The following ZNF331 variants were observed in gnomAD, a reference collection of about 807,000 sequenced individuals.
The protein encoded by ZNF331 is C2H2-like zinc finger protein rearranged in thyroid adenomas.
ZNF331 carries 2 observed loss-of-function variants against 7.0 expected under a neutral mutation model. That is an observed-to-expected ratio of 0.29 (90% confidence interval 0.12 to 0.90). The LOEUF is 0.90. ZNF331 is among the 40% of genes least tolerant of loss of function. The probability of loss-of-function intolerance (pLI) is 0.58; values close to 1 mark genes in which losing one functional copy is unlikely to be tolerated. For missense variants in ZNF331, 432 were observed against 587.7 expected (o/e 0.74, Z 2.74); for synonymous variants, 196 against 205.4 (o/e 0.95, Z 0.39).
upstream of ZNF331, among the ~76,000 whole-genome samples, chr19:53,516,748 T>C (rs2086913734): frequency 2.6e-5 from 4 of 152,320 alleles, no homozygotes; most frequent in South Asian, 6.2e-4. Context: ...CCTTACAACT[T>C]GTGAAAGAGA....
At position 53,577,332 on chromosome 19, in the gene ZNF331, C is replaced by T. The variant is rs1255504027; in HGVS notation, c.772C>T (p.Leu258Phe). ...GAAGACCTTTAGCCGTGTGTATAAACTTATTCAGCACAAGAGAATTCATAG... is the reference window on the plus strand; with the variant it reads ...GAAGACCTTTAGCCGTGTGTATAAATTTATTCAGCACAAGAGAATTCATAG... ...CGKTFSRVYK[L>F]IQHKRIHSGE... Residue 258 changes from leucine (L) to phenylalanine (F), a missense_variant, in exon 6 of 6, where the codon CTT becomes TTT. By Grantham distance (22) the Leu-to-Phe change is conservative (BLOSUM62 0). Transcript: ENST00000449416. The T allele has an allele frequency of 6.2e-7, 1 of 1,613,918 alleles. No individual in the cohort carries two copies. The highest frequency in any genetic ancestry group is 8.5e-7 in the Non-Finnish European group (1 of 1,180,026).
In ZNF331 at chr19:53,579,744, A is replaced by G. The variant is rs2090858623; in HGVS notation, c.*1792A>G. 1 of 197,420 alleles carries G rather than the reference A, an allele frequency of 5.1e-6. No individual in the cohort carries two copies. The highest frequency in any genetic ancestry group is 6.1e-5 in the Admixed American group (1 of 16,488). 12.2% of individuals were successfully genotyped at this position (197,420 alleles called of 1,614,324 possible). On this transcript the variant is annotated 3_prime_UTR_variant, in exon 6 of 6. Coordinates refer to ENST00000449416, the MANE Select transcript of ZNF331 (RefSeq NM_001079906.2). The stretch of plus-strand genomic sequence containing the variant: ...TAGTACACAAAACACAGCAAACATA[A>G]AAAGTTGTTACACTTCATCAAAAGT...
chr19:53,579,902 GA>G lies in ZNF331; in HGVS notation c.*1959del, dbSNP rs938649203. 16 of 200,128 alleles carry G rather than the reference GA, an allele frequency of 8.0e-5. No individual in the cohort carries two copies. The highest frequency in any genetic ancestry group is 1.6e-3 in the Middle Eastern group (1 of 612). 12.4% of individuals were successfully genotyped at this position (200,128 alleles called of 1,614,324 possible). A position where few individuals can be genotyped will look rare whatever the true frequency, so the allele number is the denominator to read the frequency against. On this transcript the variant is annotated 3_prime_UTR_variant, in exon 6 of 6. Transcript: ENST00000449416. ...GAAAATATAAAGAATCCCTCAAGTT[GA>G]AAAAAAAATCAATTTAAAGGGGAGA...
chr19:53,554,333 C>T (rs1207090700), intron 2 of ZNF331, among the ~76,000 whole-genome samples: 1 of 152,120 alleles, frequency 6.6e-6, no homozygotes, highest in East Asian at 1.9e-4. Context: ...CAAGGTCTGG[C>T]CACACGCATG....
upstream of ZNF331, chr19:53,538,069 T>G (rs73051520): frequency 2.0e-4 from 31 of 152,374 alleles, no homozygotes; most frequent in African/African-American, 7.5e-4. Flanking sequence ...TCTGCTGCTG[T>G]CTGCGCGCTG....
rs6509793 is a variant in ZNF331, at chr19:53,571,872, C to G, written c.136+142C>G. ...ATGTATTGAGCCTTATTGATGTGGC[C>G]GTGAGCACCACAACCTTCCCCTCCC... On this transcript the variant is annotated intron_variant, in intron 5 of 5. Transcript: ENST00000449416. This position sits in a 1 kb window ranked among gnomAD's most constrained non-coding sequence, Gnocchi z 4.7. 9.0e-7 allele frequency: 1 copy of G among 1,110,316 alleles called. No individual in the cohort carries two copies. The highest frequency in any genetic ancestry group is 2.0e-5 in the South Asian group (1 of 50,602). The allele number at this position is 1,110,316 out of a possible 1,614,324, so 68.8% of individuals were successfully genotyped here.
upstream of ZNF331, among the ~76,000 whole-genome samples, chr19:53,514,852 A>G (rs1000626346): frequency 4.6e-4 from 70 of 152,042 alleles, no homozygotes; most frequent in Non-Finnish European, 8.5e-4. Flanking sequence ...GGGTTTCACC[A>G]TGTTAGCCAG....
At chr19:53,551,783 A>G (rs2089027986) in intron 2 of ZNF331, among the ~76,000 whole-genome samples, 1 of 152,246 alleles carries the variant, frequency 6.6e-6, no homozygotes. Flanking sequence ...AAGATAATTT[A>G]TAAAGAATCT....
chr19:53,550,776 A>C (rs2088946846), intron 2 of ZNF331, among the ~76,000 whole-genome samples: 1 of 150,326 alleles, frequency 6.7e-6, no homozygotes, highest in African/African-American at 2.5e-5. Flanking sequence ...ACCTCAAGTG[A>C]CCTGCCCACC....
chr19:53,522,736 T>G (rs1277287673), intron 2 of ZNF331: 1 of 152,220 alleles, frequency 6.6e-6, no homozygotes, highest in Non-Finnish European at 1.5e-5. Context: ...AACTTAAGAC[T>G]ATTTACTTTC....
At position 53,530,552 on chromosome 19, in the gene ZNF331, C is replaced by T. The variant is rs186074380; in HGVS notation, c.-205+7868C>T. 2.0e-5 allele frequency among the ~76,000 whole-genome samples: 3 copies of T among 152,214 alleles called. No individual in the cohort carries two copies. In the East Asian group the frequency reaches 5.8e-4, roughly 29 times the overall value. On this transcript the variant is annotated intron_variant, in intron 2 of 6. Transcript: ENST00000253144. ...ATAATGTTTGATGCAAAGGGAAGAC[C>T]AATAGGGTAAGGCGAATTAATGCTT...
At chr19:53,506,400 A>ATT in the ZNF331 span, among the ~76,000 whole-genome samples, 4 of 105,566 alleles carry the variant, frequency 3.8e-5, no homozygotes, top group African/African-American at 1.5e-4. Flanking sequence ...CCACATACAC[A>ATT]CTCTCTCTCT....
rs751224265 is a variant in ZNF331, at chr19:53,577,932, C to T, written c.1372C>T (p.Gln458Ter). ...CNHLNHLREH[Q>*]RIHNS The stretch of plus-strand genomic sequence containing the variant: ...CCACCTAAACCATCTCCGAGAACAT[C>T]AGAGGATCCACAACAGTTGAAGAGC... The change falls in exon 6 of 6, where the codon CAG (glutamine) becomes TAG (stop). Residue 458 changes from glutamine (Q) to a stop codon, truncating the protein, a stop_gained. Coordinates refer to ENST00000449416, the MANE Select transcript of ZNF331 (RefSeq NM_001079906.2). LOFTEE classifies it low-confidence loss of function (END_TRUNC). 2 of 1,612,712 alleles carry T rather than the reference C, an allele frequency of 1.2e-6. No individual in the cohort carries two copies. Among genetic ancestry groups the T allele is most frequent in the Admixed American group, 1.7e-5 (1 of 60,000 alleles).
intron 2 of ZNF331, among the ~76,000 whole-genome samples, chr19:53,544,293 CCCAGCACT>C (rs934698990): frequency 1.3e-5 from 2 of 150,648 alleles, no homozygotes; most frequent in African/African-American, 4.9e-5. Context: ...TGCCTGTAAT[CCCAGCACT>C]TTGGGAGGCC....
intron 2 of ZNF331, among the ~76,000 whole-genome samples, chr19:53,525,528 G>A (rs1302637478): frequency 6.6e-6 from 1 of 152,044 alleles, no homozygotes; most frequent in Non-Finnish European, 1.5e-5. Context: ...ATTGTGAATG[G>A]GAGTTCACTC....
chr19:53,553,573 A>G (rs1228533836), intron 2 of ZNF331, among the ~76,000 whole-genome samples: 1 of 151,968 alleles, frequency 6.6e-6, no homozygotes, highest in Non-Finnish European at 1.5e-5. Context: ...ATAAATTCTA[A>G]AAAGTGGGAT....
At chr19:53,530,537 A>G (rs1401856219) in intron 2 of ZNF331, among the ~76,000 whole-genome samples, 1 of 152,220 alleles carries the variant, frequency 6.6e-6, no homozygotes, top group Non-Finnish European at 1.5e-5. Flanking sequence ...ATAATGTTTG[A>G]TGCAAAGGGA....
chr19:53,555,547 A>C (rs1247266330), intron 2 of ZNF331: 1 of 152,388 alleles, frequency 6.6e-6, no homozygotes, highest in East Asian at 1.9e-4. Context: ...CCCTGCCAGG[A>C]AATTCACCAA....
chr19:53,561,204 CAG>C (rs1206523056), intron 3 of ZNF331, among the ~76,000 whole-genome samples: 2 of 152,016 alleles, frequency 1.3e-5, no homozygotes, highest in African/African-American at 4.8e-5. Context: ...CCTATCCATT[CAG>C]AGTTTCCTTA....
Sources: allele counts gnomAD v4.1 joint callset (sites outside exome capture counted in the v4.1 genomes callset), GRCh38; gene constraint gnomAD v4.1.1; non-coding constraint Gnocchi (gnomAD v3.1); transcripts MANE v1.5; gene names NCBI Gene and HGNC (gene_info 2026-07-23, HGNC 2026-07-21).